C2CD3: variants seen among roughly 807,000 people sequenced by gnomAD.
C2CD3 encodes C2 domain containing 3 centriole elongation regulator, also known as C2 domain-containing protein 3.
A neutral mutation model predicts 234.0 loss-of-function variants in C2CD3; 148 were observed. The observed-to-expected ratio is 0.63, with a 90% confidence interval of 0.55 to 0.72. The LOEUF (loss-of-function observed/expected upper bound fraction) is 0.72. Ranked by LOEUF, C2CD3 falls within the 30% of genes least tolerant of loss-of-function variation. C2CD3 has a pLI of 0.00. For synonymous variants in C2CD3, 1,000 were observed against 1,035.4 expected, an observed-to-expected ratio of 0.97 and a Z score of 0.66; for missense variants, 2,577 against 2,811.5, an observed-to-expected ratio of 0.92 and a Z score of 1.89.
At position 74,159,511 on chromosome 11, in the gene C2CD3, T is replaced by C. The variant is rs559760124; in HGVS notation, c.483+1888A>G. ...GTGTAGGCTTAGGCTAATGTGTGTGTTTGTGTCTAAGTTTTTAACAAAAAT... is the reference window on the plus strand; with the variant it reads ...GTGTAGGCTTAGGCTAATGTGTGTGCTTGTGTCTAAGTTTTTAACAAAAAT... On this transcript the variant is annotated intron_variant, in intron 3 of 32. Coordinates refer to ENST00000334126, the MANE Select transcript of C2CD3 (RefSeq NM_001286577.2). 1.4e-3 allele frequency among the ~76,000 whole-genome samples: 213 copies of C among 152,184 alleles called. 1 individual carries two copies. The highest frequency in any genetic ancestry group is 5.0e-3 in the African/African-American group (209 of 41,504).
chr11:74,147,823 T>C (rs1462671807), intron 3 of C2CD3, among the ~76,000 whole-genome samples: 1 of 152,230 alleles, frequency 6.6e-6, no homozygotes, highest in African/African-American at 2.4e-5. Context: ...TTTCCAGAAA[T>C]GAAACTGATG....
intron 3 of C2CD3, among the ~76,000 whole-genome samples, chr11:74,148,451 ATG>A (rs1053803086): frequency 3.3e-5 from 5 of 151,744 alleles, no homozygotes; most frequent in Non-Finnish European, 7.4e-5. Context: ...TATAAGATAT[ATG>A]TGTGTATATT....
intron 24 of C2CD3, among the ~76,000 whole-genome samples, chr11:74,066,584 G>T (rs1299621540): frequency 6.6e-6 from 1 of 151,448 alleles, no homozygotes; most frequent in Non-Finnish European, 1.5e-5. Context: ...TTCTTTCAGG[G>T]AAAGAAAAGT....
At chr11:74,097,379 T>C (rs1590793237) in intron 16 of C2CD3, among the ~76,000 whole-genome samples, 1 of 152,186 alleles carries the variant, frequency 6.6e-6, no homozygotes, top group Admixed American at 6.5e-5. Flanking sequence ...TAGTACATGA[T>C]ACAGTGGAAT....
chr11:74,120,318 C>T (rs1000702076), intron 8 of C2CD3, among the ~76,000 whole-genome samples: 10 of 152,178 alleles, frequency 6.6e-5, no homozygotes, highest in South Asian at 6.2e-4. Flanking sequence ...TGATGTTCCC[C>T]GCCCCGTGTC....
At position 74,078,127 on chromosome 11, in the gene C2CD3, GCGTC is replaced by G; in HGVS notation, c.4587_4590del (p.Arg1529SerfsTer2). Reference sequence around the variant, plus strand: ...GCTCCTCACTTACCACTGACAGTTAGCGTCCTCGCTGACCTCTCCCCAAGTCTGG... The same window carrying G: ...GCTCCTCACTTACCACTGACAGTTAGCTCGCTGACCTCTCCCCAAGTCTGG... On this transcript the variant is annotated frameshift_variant, in exon 23 of 33. Transcript: ENST00000334126. LOFTEE classifies it high-confidence loss of function. The G allele has an allele frequency of 6.2e-7, 1 of 1,613,068 alleles. No individual in the cohort carries two copies. The highest frequency in any genetic ancestry group is 8.5e-7 in the Non-Finnish European group (1 of 1,179,530).
chr11:74,089,728 CAGTA>C (rs1565279801), intron 20 of C2CD3, among the ~76,000 whole-genome samples: 1 of 152,128 alleles, frequency 6.6e-6, no homozygotes, highest in Non-Finnish European at 1.5e-5. Context: ...GGAGCTCAGG[CAGTA>C]TCTCTGACTA....
intron 3 of C2CD3, among the ~76,000 whole-genome samples, chr11:74,152,295 C>T (rs987293384): frequency 6.6e-6 from 1 of 152,180 alleles, no homozygotes; most frequent in African/African-American, 2.4e-5. Context: ...AATTCAACAA[C>T]TTCAATGAAA....
chr11:74,078,337 T>C lies in C2CD3; in HGVS notation c.4381A>G (p.Lys1461Glu). 1 of 1,614,170 alleles carries C rather than the reference T, an allele frequency of 6.2e-7. No homozygotes were observed. The highest frequency in any genetic ancestry group is 8.5e-7 in the Non-Finnish European group (1 of 1,180,028). Residue 1461 changes from lysine to glutamate, a missense_variant, in exon 23 of 33, where the codon AAG becomes GAG. Lys to Glu is a moderately conservative substitution (Grantham distance 56). Coordinates refer to ENST00000334126, the MANE Select transcript of C2CD3 (RefSeq NM_001286577.2). ...GCCTTGAAAGTGACCATAATCTGCT[T>C]TTTGTTTACAGATTCCTTAGGCTTC... is the stretch of plus-strand genomic sequence containing the variant. ...LKKPKESVNK[K>E]QIMVTFKASK...
intron 24 of C2CD3, among the ~76,000 whole-genome samples, chr11:74,066,653 T>TA (rs2135451839): frequency 1.0e-5 from 1 of 98,724 alleles, no homozygotes. Context: ...TTAGACCAAT[T>TA]CTTTTTTTTT....
chr11:74,078,061 T>G (rs1955154289), intron 23 of C2CD3, 54 bp downstream of exon 23: 2 of 1,559,550 alleles, frequency 1.3e-6, no homozygotes, highest in Non-Finnish European at 1.7e-6. Flanking sequence ...CACCTAGTGT[T>G]TGACACAGAG....
At chr11:74,052,881 C>T (rs976372055) in intron 26 of C2CD3, among the ~76,000 whole-genome samples, 1 of 152,212 alleles carries the variant, frequency 6.6e-6, no homozygotes, top group African/African-American at 2.4e-5. Context: ...AATATCACCA[C>T]TGGCAAACAA....
intron 2 of C2CD3, among the ~76,000 whole-genome samples, chr11:74,163,656 TG>T (rs1856619967): frequency 2.0e-5 from 3 of 149,642 alleles, no homozygotes; most frequent in Admixed American, 2.0e-4. Flanking sequence ...CTGCCATGAT[TG>T]TAAGTTTCCT....
At chr11:74,051,249 C>T (rs1213709643) in intron 26 of C2CD3, among the ~76,000 whole-genome samples, 1 of 146,668 alleles carries the variant, frequency 6.8e-6, no homozygotes, top group African/African-American at 2.7e-5. Flanking sequence ...TGAGCATAAT[C>T]CTACCACTGC....
At chr11:74,092,005 T>C (rs950140405) in intron 19 of C2CD3, among the ~76,000 whole-genome samples, 6 of 151,992 alleles carry the variant, frequency 3.9e-5, no homozygotes, top group African/African-American at 1.2e-4. Flanking sequence ...GGGATGTTTA[T>C]GTATACTGTA....
At chr11:74,153,210 AAAAAC>A (rs58806804) in intron 3 of C2CD3, among the ~76,000 whole-genome samples, 63,451 of 147,904 alleles carry the variant, frequency 0.43, 13,897 homozygotes, top group Non-Finnish European at 0.5. Context: ...TCTGTCTCTT[AAAAAC>A]AAAACAAAAC....
Position 74,103,613 on chromosome 11 carries a change from G to T in C2CD3, c.2098C>A (p.Leu700Ile). 1 of 1,609,238 alleles carries T rather than the reference G, an allele frequency of 6.2e-7. No homozygotes were observed. The highest frequency in any genetic ancestry group is 8.5e-7 in the Non-Finnish European group (1 of 1,178,062). ...GTGAAATCTTTGTTATCTGTAATAAGCTCCATGGTTACCTGTAAAACACAA... is the reference window on the plus strand; with the variant it reads ...GTGAAATCTTTGTTATCTGTAATAATCTCCATGGTTACCTGTAAAACACAA... ...PFGPLKVTME[L>I]ITDNKDFTGI... Residue 700 changes from leucine (L) to isoleucine (I), a missense_variant, in exon 14 of 33, where the codon CTT (leucine) becomes ATT (isoleucine). Coordinates refer to ENST00000334126, the MANE Select transcript of C2CD3 (RefSeq NM_001286577.2).
At chr11:74,049,593 C>CAT in intron 26 of C2CD3, 51 bp from the exon 27 acceptor site, 3 of 1,451,342 alleles carry the variant, frequency 2.1e-6, no homozygotes, top group Non-Finnish European at 2.9e-6. Flanking sequence ...TGTCCTGCCA[C>CAT]TGAGATTAGA....
At chr11:74,110,858 T>C (rs752538277) in intron 11 of C2CD3, among the ~76,000 whole-genome samples, 3 of 152,200 alleles carry the variant, frequency 2.0e-5, no homozygotes, top group African/African-American at 4.8e-5. Flanking sequence ...CTAATCCATA[T>C]TATTGTTAAG....
Sources: allele counts gnomAD v4.1 joint callset (sites outside exome capture counted in the v4.1 genomes callset), GRCh38; gene constraint gnomAD v4.1.1; transcripts MANE v1.5; gene names NCBI Gene and HGNC (gene_info 2026-07-23, HGNC 2026-07-21).